The following TSPAN15 variants were observed in gnomAD, a reference collection of about 807,000 sequenced individuals.
TSPAN15 encodes tetraspanin-15.
Under a neutral mutation model 34.5 loss-of-function variants are expected in TSPAN15, and 20 were observed. That is an observed-to-expected ratio of 0.58 (90% CI 0.41 to 0.84). The LOEUF (loss-of-function observed/expected upper bound fraction) is 0.84, where lower values mean the gene tolerates loss of function less well. Ranked by LOEUF, TSPAN15 falls within the 40% of genes least tolerant of loss-of-function variation. The pLI is 0.00. For synonymous variants in TSPAN15, 155 were observed against 153.9 expected (o/e 1.01, Z -0.05); for missense variants, 313 against 386.1 (o/e 0.81, Z 1.59).
intron 3 of TSPAN15, among the ~76,000 whole-genome samples, chr10:69,493,496 A>G (rs1483012516): frequency 2.3e-5 from 3 of 132,526 alleles, no homozygotes; most frequent in African/African-American, 8.6e-5. Context: ...TTTTTGAGAC[A>G]GAGTCTTGCT....
chr10:69,499,130 A>C (rs1319960707), intron 5 of TSPAN15, among the ~76,000 whole-genome samples: 2 of 152,364 alleles, frequency 1.3e-5, no homozygotes, highest in East Asian at 3.9e-4. Context: ...AGGCTTCATC[A>C]GTCCTTGTGT....
chr10:69,524,173 C>T, the TSPAN15 span, among the ~76,000 whole-genome samples: 1 of 147,698 alleles, frequency 6.8e-6, no homozygotes, highest in Non-Finnish European at 1.5e-5. Flanking sequence ...ATAGCGTATC[C>T]ATAGATCAAA....
At chr10:69,492,948 C>A (rs951581212) in intron 3 of TSPAN15, among the ~76,000 whole-genome samples, 3 of 152,186 alleles carry the variant, frequency 2.0e-5, no homozygotes, top group South Asian at 2.1e-4. Context: ...GGAACCTCCC[C>A]ACGTGTGGCC....
chr10:69,475,832 T>C lies in TSPAN15; in HGVS notation c.97-7859T>C, dbSNP rs151219967. ...GAACCCAAGACGTTAGATGTCTTTC[T>C]CCAGCTCAGACACCATGGAAAACTT... On this transcript the variant is annotated intron_variant, in intron 1 of 7. Transcript: ENST00000373290. Among the ~76,000 whole-genome samples, 748 of 152,260 alleles carry C rather than the reference T, an allele frequency of 4.9e-3. 5 individuals are homozygous for C. Among genetic ancestry groups the C allele is most frequent in the African/African-American group, 0.017 (713 of 41,548 alleles).
At chr10:69,522,811 A>G in the TSPAN15 span, among the ~76,000 whole-genome samples, 2 of 148,118 alleles carry the variant, frequency 1.4e-5, no homozygotes, top group Non-Finnish European at 3.0e-5. Context: ...CCCTGGTGCC[A>G]AAAAGGTTGG....
the TSPAN15 span, among the ~76,000 whole-genome samples, chr10:69,541,912 C>G: frequency 6.6e-6 from 1 of 152,224 alleles, no homozygotes; most frequent in African/African-American, 2.4e-5. Context: ...GTGAAGTTCT[C>G]AGACATTCCC....
chr10:69,506,048 T>C lies in TSPAN15; in HGVS notation c.619-76T>C. 1.6e-6 allele frequency: 2 copies of C among 1,255,452 alleles called. No individual in the cohort carries two copies. Among genetic ancestry groups the C allele is most frequent in the Non-Finnish European group, 2.3e-6 (2 of 866,242 alleles). The allele number at this position is 1,255,452 out of a possible 1,614,324, so 77.8% of individuals were successfully genotyped here. On this transcript the variant is annotated intron_variant, in intron 6 of 7. Transcript: ENST00000373290. This position sits in a 1 kb window ranked among gnomAD's most constrained non-coding sequence, Gnocchi z 4.7. ...TTGAGGGACTAGCCTGGACCTTGTG[T>C]ACATGGCAGAGTCGGGGCTGTGGCT...
chr10:69,470,345 A>G (rs975079183), intron 1 of TSPAN15, among the ~76,000 whole-genome samples: 3 of 152,238 alleles, frequency 2.0e-5, no homozygotes, highest in Admixed American at 6.5e-5. Flanking sequence ...TTTCCCCATG[A>G]TGATGAACAC....
At chr10:69,548,622 G>C in the TSPAN15 span, among the ~76,000 whole-genome samples, 7 of 152,140 alleles carry the variant, frequency 4.6e-5, no homozygotes, top group Non-Finnish European at 1.0e-4. Flanking sequence ...CTGAGTTGAG[G>C]ATACAAAGAA....
chr10:69,451,755 G>C lies in TSPAN15; in HGVS notation c.96+65G>C, dbSNP rs528410324. The stretch of plus-strand genomic sequence containing the variant: ...CCCACAATCCGGCCGCCCCCTCACT[G>C]GCCCGGGGTTGGGTCCACACTTAGC... On this transcript the variant is annotated intron_variant, in intron 1 of 7. Transcript: ENST00000373290. 1.7e-5 allele frequency: 23 copies of C among 1,319,150 alleles called. No individual in the cohort carries two copies. The Admixed American group carries it at 3.8e-4, about 22-fold the overall frequency. The allele number at this position is 1,319,150 out of a possible 1,614,324, so 81.7% of individuals were successfully genotyped here.
chr10:69,517,221 A>C, the TSPAN15 span, among the ~76,000 whole-genome samples: 1 of 152,134 alleles, frequency 6.6e-6, no homozygotes, highest in Non-Finnish European at 1.5e-5. Context: ...TCCATCTGCC[A>C]AAGTCACCAT....
chr10:69,542,421 T>C, the TSPAN15 span, among the ~76,000 whole-genome samples: 2 of 152,180 alleles, frequency 1.3e-5, no homozygotes, highest in Admixed American at 6.5e-5. Context: ...TACGTCCACA[T>C]TTTGGGGTAT....
rs939257192 is a variant in TSPAN15 at position 69,495,540 on chromosome 10, T to C, written c.358-54T>C. 10 of 1,376,014 alleles carry C rather than the reference T, an allele frequency of 7.3e-6. 1 individual carries two copies. Among genetic ancestry groups the C allele is most frequent in the South Asian group, 2.3e-5 (2 of 85,710 alleles). 85.2% of individuals were successfully genotyped at this position (1,376,014 alleles called of 1,614,324 possible). ...ATCCAGGCTTCTGGAAAACCTTGGG[T>C]TGGACTCCGGGAGTGTGTGGTTCTT... On this transcript the variant is annotated intron_variant, in intron 3 of 7. Transcript: ENST00000373290.
chr10:69,474,406 C>T (rs1000757220), intron 1 of TSPAN15, among the ~76,000 whole-genome samples: 1 of 152,152 alleles, frequency 6.6e-6, no homozygotes, highest in Admixed American at 6.5e-5. Flanking sequence ...ACAGGATGGG[C>T]TCCGAAAGGC....
chr10:69,535,769 T>C, the TSPAN15 span, among the ~76,000 whole-genome samples: 1 of 152,228 alleles, frequency 6.6e-6, no homozygotes, highest in Non-Finnish European at 1.5e-5. Flanking sequence ...AGATGCTCAA[T>C]AAATCCTCTG....
intron 1 of TSPAN15, among the ~76,000 whole-genome samples, chr10:69,477,109 G>T (rs1841631344): frequency 6.6e-6 from 1 of 152,096 alleles, no homozygotes; most frequent in African/African-American, 2.4e-5. Flanking sequence ...GCCTTCCCTA[G>T]CTTGTGGCAG....
At chr10:69,498,133 G>A in intron 4 of TSPAN15, 147 bp from the exon 5 acceptor site, 1 of 679,524 alleles carries the variant, frequency 1.5e-6, no homozygotes. Context: ...CACTTTGACA[G>A]CTCTGACTTG....
the TSPAN15 span, among the ~76,000 whole-genome samples, chr10:69,515,200 T>A: frequency 6.6e-6 from 1 of 152,300 alleles, no homozygotes; most frequent in South Asian, 2.1e-4. Context: ...CTCTTATGAG[T>A]CTCAGTTGTT....
chr10:69,543,742 A>G, the TSPAN15 span, among the ~76,000 whole-genome samples: 14 of 151,968 alleles, frequency 9.2e-5, no homozygotes, highest in African/African-American at 3.4e-4. Flanking sequence ...GCAAGCTAAC[A>G]AGGGGAGAAA....
Sources: gnomAD v4.1 joint callset for allele counts (sites outside exome capture counted in the v4.1 genomes callset) on GRCh38, gnomAD v4.1.1 for gene constraint, Gnocchi (gnomAD v3.1) non-coding constraint, MANE v1.5 for transcripts, NCBI Gene and HGNC (gene_info 2026-07-23, HGNC 2026-07-21) for gene names.